The following EYS variants were observed in gnomAD, a reference collection of about 807,000 sequenced individuals.
EYS encodes EGF-like photoreceptor maintenance factor, also known as protein eyes shut homolog.
A neutral mutation model predicts 282.1 loss-of-function variants in EYS; 250 were observed. The ratio of observed to expected loss-of-function variants is 0.89; its 90% CI spans 0.80 to 0.98. The LOEUF (loss-of-function observed/expected upper bound fraction) is 0.98, where lower values mean the gene tolerates loss of function less well. EYS is among the 50% of genes least tolerant of loss of function. The probability of loss-of-function intolerance (pLI) is 0.00; values close to 1 mark genes in which losing one functional copy is unlikely to be tolerated. For synonymous variants in EYS, 1,355 were observed against 1,282.9 expected, an observed-to-expected ratio of 1.06 and a Z score of -1.20; for missense variants, 4,016 against 3,709.0, an observed-to-expected ratio of 1.08 and a Z score of -2.15.
At chr6:65,132,658 G>A (rs1251973940) in intron 12 of EYS, among the ~76,000 whole-genome samples, 1 of 151,948 alleles carries the variant, frequency 6.6e-6, no homozygotes, top group Non-Finnish European at 1.5e-5. Flanking sequence ...ACAAGACAAG[G>A]ATGCCATCTC....
At chr6:64,843,781 G>A (rs1028014787) in intron 19 of EYS, among the ~76,000 whole-genome samples, 3 of 152,214 alleles carry the variant, frequency 2.0e-5, no homozygotes, top group South Asian at 2.1e-4. Flanking sequence ...GGGAAGGCAT[G>A]ATTGATTTTG....
chr6:65,329,259 T>C (rs1769709940), intron 11 of EYS: 1 of 686,612 alleles, frequency 1.5e-6, no homozygotes, highest in Non-Finnish European at 1.8e-6. Context: ...TCAACCCATA[T>C]GAAACTTGAA....
At position 64,000,168 on chromosome 6, in the gene EYS, CTTTTTTTTTTTTTTTTTT is replaced by C. The variant is rs71551553; in HGVS notation, c.6726-1003_6726-986del. On this transcript the variant is annotated intron_variant, in intron 33 of 42. Transcript: ENST00000503581. ...CTGAGGAGTTTCCCAAGACATGGGACTTTTTTTTTTTTTTTTTTTTTTTTTTTTTTTTTTTTTTTTTTA... is the reference window on the plus strand; with the variant it reads ...CTGAGGAGTTTCCCAAGACATGGGACTTTTTTTTTTTTTTTTTTTTTTTTA... Among the ~76,000 whole-genome samples the C allele has an allele frequency of 2.3e-3, 98 of 42,736 alleles. 3 individuals are homozygous for C. Among genetic ancestry groups the C allele is most frequent in the African/African-American group, 7.6e-3 (87 of 11,408 alleles). 28.0% of individuals were successfully genotyped at this position (42,736 alleles called of 152,430 possible).
At position 63,933,354 on chromosome 6, in the gene EYS, A is replaced by T. The variant is rs114456116; in HGVS notation, c.7055+51029T>A. ...CCTGAGTAGCTGGGACTACAGGTAC[A>T]CACCATCACACGCGGCTAATTTTTG... On this transcript the variant is annotated intron_variant, in intron 35 of 42. Coordinates refer to ENST00000503581, the MANE Select transcript of EYS (RefSeq NM_001142800.2). Among the ~76,000 whole-genome samples the T allele has an allele frequency of 5.9e-3, 900 of 152,218 alleles. 8 individuals are homozygous for T. Among genetic ancestry groups the T allele is most frequent in the Non-Finnish European group, 9.5e-3 (646 of 67,994 alleles).
At chr6:65,207,915 A>T (rs1232941603) in intron 12 of EYS, among the ~76,000 whole-genome samples, 1 of 151,838 alleles carries the variant, frequency 6.6e-6, no homozygotes, top group African/African-American at 2.4e-5. Context: ...GAAACTATAG[A>T]AGTCCTAGAA....
At chr6:64,493,111 A>G (rs973944785) in intron 26 of EYS, among the ~76,000 whole-genome samples, 4 of 151,566 alleles carry the variant, frequency 2.6e-5, no homozygotes, top group Admixed American at 6.6e-5. Flanking sequence ...AGCATTGAGG[A>G]AAAAAAGTAG....
At chr6:63,811,937 C>T (rs1245803135) in intron 36 of EYS, among the ~76,000 whole-genome samples, 1 of 152,184 alleles carries the variant, frequency 6.6e-6, no homozygotes, top group East Asian at 1.9e-4. Context: ...TTCACTGTGT[C>T]TGTTAATACC....
At chr6:65,218,795 C>T (rs910050579) in intron 12 of EYS, among the ~76,000 whole-genome samples, 1 of 151,776 alleles carries the variant, frequency 6.6e-6, no homozygotes, top group Non-Finnish European at 1.5e-5. Flanking sequence ...ATCATCTAGC[C>T]TAGAATGGAG....
At chr6:64,465,451 C>T (rs1011411164) in intron 26 of EYS, among the ~76,000 whole-genome samples, 32 of 151,992 alleles carry the variant, frequency 2.1e-4, no homozygotes, top group Admixed American at 2.6e-4. Context: ...AGTCCAGAAA[C>T]AAATATATGC....
In EYS at chr6:64,603,861, C is replaced by G. The variant is rs538453621; in HGVS notation, c.3685-10552G>C. 5.2e-3 allele frequency among the ~76,000 whole-genome samples: 765 copies of G among 148,286 alleles called. 3 individuals carry two copies. The highest frequency in any genetic ancestry group is 6.6e-3 in the Non-Finnish European group (442 of 66,660). On this transcript the variant is annotated intron_variant, in intron 24 of 42. Transcript: ENST00000503581. ...GTATACTACTAAAGTAAATGAATACCTGTGTGTGTGTGTGTGTGTGTGTGT... is the reference window on the plus strand; with the variant it reads ...GTATACTACTAAAGTAAATGAATACGTGTGTGTGTGTGTGTGTGTGTGTGT...
At chr6:63,757,726 TAGAA>T (rs761737063) in intron 41 of EYS, among the ~76,000 whole-genome samples, 8 of 152,092 alleles carry the variant, frequency 5.3e-5, no homozygotes, top group Non-Finnish European at 8.8e-5. Context: ...TTAGGGAAAA[TAGAA>T]AGAACCTACG....
At chr6:65,137,778 A>G (rs1463551989) in intron 12 of EYS, among the ~76,000 whole-genome samples, 1 of 152,084 alleles carries the variant, frequency 6.6e-6, no homozygotes, top group Non-Finnish European at 1.5e-5. Flanking sequence ...AGAGATATTT[A>G]AGAGGAACAA....
intron 22 of EYS, among the ~76,000 whole-genome samples, chr6:64,759,061 C>T (rs1268995912): frequency 6.6e-6 from 1 of 152,102 alleles, no homozygotes. Flanking sequence ...ATGGCGTGAA[C>T]CCGGGAGGCG....
intron 40 of EYS, among the ~76,000 whole-genome samples, chr6:63,767,227 G>T (rs1769812225): frequency 6.6e-6 from 1 of 152,034 alleles, no homozygotes; most frequent in Non-Finnish European, 1.5e-5. Context: ...GGAAGTGCTA[G>T]CCCAAGCAAT....
chr6:63,959,174 TAAA>T (rs1460506880), intron 35 of EYS, among the ~76,000 whole-genome samples: 2 of 151,762 alleles, frequency 1.3e-5, no homozygotes, highest in Non-Finnish European at 2.9e-5. Context: ...TTTACAAGAA[TAAA>T]ACAACCCCAT....
At chr6:64,763,106 A>G (rs1773214576) in intron 22 of EYS, among the ~76,000 whole-genome samples, 1 of 135,662 alleles carries the variant, frequency 7.4e-6, no homozygotes. Flanking sequence ...TTTTATTTTG[A>G]AAAAATATAA....
At chr6:64,480,073 C>T (rs74846825) in intron 26 of EYS, among the ~76,000 whole-genome samples, 9,031 of 151,798 alleles carry the variant, frequency 0.059, 361 homozygotes, top group Non-Finnish European at 0.082. Flanking sequence ...CTTTTTCAAG[C>T]GAGTAGTAAT....
chr6:64,456,874 GAAT>G (rs1321399001), intron 26 of EYS, among the ~76,000 whole-genome samples: 1 of 151,822 alleles, frequency 6.6e-6, no homozygotes, highest in African/African-American at 2.4e-5. Flanking sequence ...TTACTTATAA[GAAT>G]AATGCATATT....
chr6:64,595,167 A>T (rs1446428205), intron 24 of EYS, among the ~76,000 whole-genome samples: 2 of 152,226 alleles, frequency 1.3e-5, no homozygotes, highest in African/African-American at 4.8e-5. Flanking sequence ...TGACATATCA[A>T]TCAACAATAT....
Sources: allele counts gnomAD v4.1 joint callset (sites outside exome capture counted in the v4.1 genomes callset), GRCh38; gene constraint gnomAD v4.1.1; transcripts MANE v1.5; gene names NCBI Gene and HGNC (gene_info 2026-07-23, HGNC 2026-07-21).